Variants in SYT16 observed in about 807,000 individuals in gnomAD.
SYT16 encodes the protein synaptotagmin 16.
A neutral mutation model predicts 61.4 loss-of-function variants in SYT16; 42 were observed. That is an observed-to-expected ratio of 0.68 (90% confidence interval 0.53 to 0.89). The LOEUF (loss-of-function observed/expected upper bound fraction) is 0.89. SYT16 is among the 40% of genes least tolerant of loss of function. The pLI is 0.00. For missense variants in SYT16, 804 were observed against 807.3 expected, an observed-to-expected ratio of 1.00 and a Z score of 0.05; for synonymous variants, 314 against 302.3, an observed-to-expected ratio of 1.04 and a Z score of -0.40.
chr14:62,003,964 G>A (rs142900376), intron 3 of SYT16, among the ~76,000 whole-genome samples: 7 of 152,272 alleles, frequency 4.6e-5, no homozygotes, highest in African/African-American at 1.4e-4. Flanking sequence ...ATGCTGACAT[G>A]TGAACAAGCC....
intron 1 of SYT16, among the ~76,000 whole-genome samples, chr14:61,905,427 T>C (rs1418428692): frequency 6.6e-6 from 1 of 152,234 alleles, no homozygotes; most frequent in South Asian, 2.1e-4. Flanking sequence ...AACTATTATA[T>C]TGCGGAGTTG....
At chr14:62,004,256 G>C (rs765422173) in intron 3 of SYT16, among the ~76,000 whole-genome samples, 13 of 152,148 alleles carry the variant, frequency 8.5e-5, no homozygotes, top group Non-Finnish European at 1.5e-4. Context: ...GAGACAGAGA[G>C]AGAGAGCGCA....
At chr14:61,908,873 A>C (rs2048821573) in intron 1 of SYT16, among the ~76,000 whole-genome samples, 1 of 152,048 alleles carries the variant, frequency 6.6e-6, no homozygotes, top group African/African-American at 2.4e-5. Context: ...CCCAGGCTGG[A>C]GTGCAGTGGC....
chr14:61,988,112 G>T (rs1224436274), intron 2 of SYT16, among the ~76,000 whole-genome samples: 2 of 152,184 alleles, frequency 1.3e-5, no homozygotes, highest in Non-Finnish European at 2.9e-5. Flanking sequence ...CTCTACTGGG[G>T]GCCAGTAGAT....
At chr14:62,083,145 C>T (rs1336108356) in intron 6 of SYT16, among the ~76,000 whole-genome samples, 5 of 65,392 alleles carry the variant, frequency 7.6e-5, no homozygotes, top group Non-Finnish European at 1.7e-4. Flanking sequence ...CATACAGCCT[C>T]AGGTTAGGTG....
chr14:61,850,553 G>T (rs2046582909), intron 1 of SYT16, among the ~76,000 whole-genome samples: 1 of 152,076 alleles, frequency 6.6e-6, no homozygotes, highest in Admixed American at 6.6e-5. Flanking sequence ...GGTGTTGGTT[G>T]TTCTTAAAAT....
rs1203186408 is a variant in SYT16 at position 62,043,407 on chromosome 14, CT to C, written c.524-26178del. ...GGAATGGATGTTGAAATTTTTCTTT[CT>C]TTTTTTTTTTTTTTTTTGAGATGGA... On this transcript the variant is annotated intron_variant, in intron 3 of 7. Transcript: ENST00000683842. Among the ~76,000 whole-genome samples, 520 of 122,520 alleles carry C rather than the reference CT, an allele frequency of 4.2e-3. 2 individuals carry two copies. Among genetic ancestry groups the C allele is most frequent in the Non-Finnish European group, 6.1e-3 (358 of 58,518 alleles). 80.4% of individuals were successfully genotyped at this position (122,520 alleles called of 152,430 possible).
At chr14:61,941,023 A>G (rs1224216793) in intron 1 of SYT16, among the ~76,000 whole-genome samples, 2 of 152,198 alleles carry the variant, frequency 1.3e-5, no homozygotes, top group African/African-American at 4.8e-5. Context: ...CTTATTTGGA[A>G]GCAAGAGTTA....
chr14:61,930,315 C>A (rs2140424319), intron 1 of SYT16, among the ~76,000 whole-genome samples: 1 of 151,958 alleles, frequency 6.6e-6, no homozygotes, highest in East Asian at 2.0e-4. Context: ...CCCATGAGCA[C>A]CTCTGGTTCT....
At chr14:61,943,162 C>T (rs917608807) in intron 1 of SYT16, among the ~76,000 whole-genome samples, 2 of 152,146 alleles carry the variant, frequency 1.3e-5, no homozygotes, top group African/African-American at 4.8e-5. Context: ...GACACATACA[C>T]CCTCCCAAGA....
chr14:62,034,698 T>TG (rs970992977), intron 3 of SYT16, among the ~76,000 whole-genome samples: 5 of 140,486 alleles, frequency 3.6e-5, no homozygotes, highest in Admixed American at 1.5e-4. Flanking sequence ...GCTGAGGGGA[T>TG]GGGGGGATTC....
At chr14:61,984,625 C>G (rs1468253180) in intron 2 of SYT16, among the ~76,000 whole-genome samples, 1 of 152,018 alleles carries the variant, frequency 6.6e-6, no homozygotes, top group Non-Finnish European at 1.5e-5. Context: ...ATTTGCTGTT[C>G]CTCAGTAAGT....
rs201321447 is a variant in SYT16, at chr14:61,996,336, G to T, written c.317G>T (p.Ser106Ile). The T allele has an allele frequency of 2.3e-4, 373 of 1,613,402 alleles. 7 individuals are homozygous for T. The South Asian group carries it at 3.9e-3, about 17-fold the overall frequency. Residue 106 changes from serine to isoleucine, a missense_variant, in exon 3 of 8, where the codon AGC (serine) becomes ATC (isoleucine). Ser to Ile is a moderately radical substitution (Grantham distance 142). Coordinates refer to ENST00000683842, the MANE Select transcript of SYT16 (RefSeq NM_001367656.1). ...SDLQDSAQNS[S>I]PSLSQHAKDS... The stretch of plus-strand genomic sequence containing the variant: ...TTGCAGGACTCTGCCCAAAATTCAA[G>T]CCCAAGCCTTAGCCAACATGCAAAG...
intron 1 of SYT16, among the ~76,000 whole-genome samples, chr14:61,925,413 CAA>C (rs75803246): frequency 0.18 from 27,905 of 152,048 alleles, 3,188 homozygotes; most frequent in East Asian, 0.34. Flanking sequence ...ATGTGTTGTG[CAA>C]AGAGTGTCCA....
chr14:61,973,178 A>G (rs1355867957), intron 2 of SYT16, among the ~76,000 whole-genome samples: 15 of 152,228 alleles, frequency 9.9e-5, no homozygotes, highest in Admixed American at 9.8e-4. Context: ...CAAACCTACT[A>G]TGCAAAATGA....
At chr14:61,883,966 G>A (rs367687777) in intron 1 of SYT16, among the ~76,000 whole-genome samples, 2 of 152,066 alleles carry the variant, frequency 1.3e-5, no homozygotes, top group South Asian at 4.1e-4. Flanking sequence ...ACAGCATGGG[G>A]GAAACTGCTC....
chr14:61,858,577 G>C (rs2046856534), intron 1 of SYT16, among the ~76,000 whole-genome samples: 1 of 152,054 alleles, frequency 6.6e-6, no homozygotes, highest in Non-Finnish European at 1.5e-5. Flanking sequence ...AACTTCCTAG[G>C]CTTCATGAAA....
chr14:62,048,638 A>T (rs969852414), intron 3 of SYT16, among the ~76,000 whole-genome samples: 8 of 152,090 alleles, frequency 5.3e-5, no homozygotes, highest in African/African-American at 1.9e-4. Flanking sequence ...CCCTCTACAC[A>T]CTGCTTTGAA....
intron 1 of SYT16, among the ~76,000 whole-genome samples, chr14:61,821,597 T>C (rs1325351855): frequency 6.6e-6 from 1 of 152,230 alleles, no homozygotes; most frequent in African/African-American, 2.4e-5. Context: ...GAGGCTACCC[T>C]CAATTTCCTT....
Sources: allele counts gnomAD v4.1 joint callset (sites outside exome capture counted in the v4.1 genomes callset), GRCh38; gene constraint gnomAD v4.1.1; transcripts MANE v1.5; gene names NCBI Gene and HGNC (gene_info 2026-07-23, HGNC 2026-07-21).